Variants in CADM2 observed in about 807,000 individuals in gnomAD.
The protein encoded by CADM2 is immunoglobulin superfamily member 4D.
Under a neutral mutation model 49.8 loss-of-function variants are expected in CADM2, and 12 were observed. The observed-to-expected ratio is 0.24, with a 90% CI of 0.15 to 0.39. CADM2 has a LOEUF of 0.39. Ranked by LOEUF, CADM2 falls within the 10% of genes least tolerant of loss-of-function variation. The probability of loss-of-function intolerance (pLI) is 1.00; values close to 1 mark genes in which losing one functional copy is unlikely to be tolerated. For missense variants in CADM2, 378 were observed against 492.3 expected (o/e 0.77, Z 2.20); for synonymous variants, 214 against 175.4 (o/e 1.22, Z -1.74).
At chr3:85,282,062 C>T (rs1351165808) in intron 1 of CADM2, among the ~76,000 whole-genome samples, 1 of 151,880 alleles carries the variant, frequency 6.6e-6, no homozygotes, top group Admixed American at 6.6e-5. Context: ...CAAACCTATG[C>T]TTGAAATATG....
chr3:85,587,681 G>A (rs1006809785), intron 1 of CADM2, among the ~76,000 whole-genome samples: 5 of 151,926 alleles, frequency 3.3e-5, no homozygotes, highest in Non-Finnish European at 4.4e-5. Flanking sequence ...AAATTCTGAA[G>A]TGCCTCTTCC....
At chr3:85,803,184 T>C (rs910062858) in intron 3 of CADM2, among the ~76,000 whole-genome samples, 5 of 152,130 alleles carry the variant, frequency 3.3e-5, no homozygotes, top group Non-Finnish European at 7.4e-5. Context: ...AAATGAAATC[T>C]TTAGTTTGTT....
chr3:85,891,415 C>G (rs1038722009), intron 5 of CADM2, among the ~76,000 whole-genome samples: 2 of 152,178 alleles, frequency 1.3e-5, no homozygotes, highest in Admixed American at 6.5e-5. Context: ...CCTTAATTAT[C>G]CACACCCTTG....
At chr3:85,450,807 T>A (rs2037716545) in intron 1 of CADM2, among the ~76,000 whole-genome samples, 1 of 152,018 alleles carries the variant, frequency 6.6e-6, no homozygotes, top group Admixed American at 6.6e-5. Flanking sequence ...TATTGAAATT[T>A]GTCTAACCAG....
chr3:86,013,432 T>C lies in CADM2; in HGVS notation c.970+51785T>C, dbSNP rs145689377. On this transcript the variant is annotated intron_variant, in intron 8 of 9. Coordinates refer to ENST00000383699, the MANE Select transcript of CADM2 (RefSeq NM_001167675.2). ...GAAATCCCAGAAGGTCTCTTTACCC[T>C]AGATAACTTTCAAGCACTGCTGGAG... 7.0e-4 allele frequency: 1,093 copies of C among 1,571,200 alleles called. 10 individuals are homozygous for C. The African/African-American group carries it at 0.013, about 19-fold the overall frequency.
At chr3:85,747,831 A>G (rs923111768) in intron 2 of CADM2, among the ~76,000 whole-genome samples, 1 of 152,098 alleles carries the variant, frequency 6.6e-6, no homozygotes, top group Non-Finnish European at 1.5e-5. Flanking sequence ...TTTACTTTTT[A>G]ATATTACTCA....
chr3:85,879,253 T>G (rs1405298662), intron 3 of CADM2, among the ~76,000 whole-genome samples: 1 of 152,130 alleles, frequency 6.6e-6, no homozygotes, highest in South Asian at 2.1e-4. Flanking sequence ...ATAGACATTT[T>G]TTTTAAAGTG....
chr3:85,426,691 A>G (rs967691229), intron 1 of CADM2, among the ~76,000 whole-genome samples: 4 of 152,096 alleles, frequency 2.6e-5, no homozygotes. Context: ...GACTATAGTC[A>G]CCCAGTTGTG....
intron 1 of CADM2, among the ~76,000 whole-genome samples, chr3:85,280,312 G>T (rs2043469644): frequency 6.6e-6 from 1 of 151,162 alleles, no homozygotes; most frequent in Non-Finnish European, 1.5e-5. Flanking sequence ...CATATACGGT[G>T]TACTTGGTTG....
intron 1 of CADM2, among the ~76,000 whole-genome samples, chr3:85,411,649 G>A (rs1334842856): frequency 3.3e-5 from 5 of 152,152 alleles, no homozygotes; most frequent in Non-Finnish European, 5.9e-5. Flanking sequence ...CTGAAGGGTA[G>A]AGGAGGCTCT....
intron 1 of CADM2, among the ~76,000 whole-genome samples, chr3:85,248,197 A>C (rs556323415): frequency 3.9e-5 from 6 of 152,298 alleles, no homozygotes; most frequent in African/African-American, 1.4e-4. Context: ...ATGGCATTGC[A>C]TGCAGCACGA....
chr3:86,056,457 G>A (rs912309947), intron 8 of CADM2, among the ~76,000 whole-genome samples: 4 of 152,116 alleles, frequency 2.6e-5, no homozygotes, highest in Non-Finnish European at 4.4e-5. Context: ...CTTTTTCAAG[G>A]ACATATTTTA....
intron 1 of CADM2, among the ~76,000 whole-genome samples, chr3:85,656,810 A>C (rs1423400135): frequency 6.6e-6 from 1 of 152,180 alleles, no homozygotes; most frequent in Non-Finnish European, 1.5e-5. Flanking sequence ...AATTCTCATC[A>C]GCTCATGAGT....
At chr3:85,954,615 C>T (rs190464657) in intron 7 of CADM2, among the ~76,000 whole-genome samples, 1 of 151,070 alleles carries the variant, frequency 6.6e-6, no homozygotes, top group Non-Finnish European at 1.5e-5. Flanking sequence ...GTTTGGGCTT[C>T]GTTTAGAGAT....
chr3:85,846,934 G>A (rs1359377089), intron 3 of CADM2, among the ~76,000 whole-genome samples: 2 of 152,130 alleles, frequency 1.3e-5, no homozygotes, highest in Admixed American at 6.6e-5. Context: ...ATGATGACAA[G>A]CATAGAGCCC....
At chr3:85,042,249 C>T (rs1010657077) in intron 1 of CADM2, among the ~76,000 whole-genome samples, 1 of 152,188 alleles carries the variant, frequency 6.6e-6, no homozygotes, top group African/African-American at 2.4e-5. Flanking sequence ...TTGAGAACAA[C>T]AGCTTCAACC....
Position 85,427,160 on chromosome 3 carries a change from CTATATATATATATA to C in CADM2, c.62-299334_62-299321del, listed in dbSNP as rs35485915. Among the ~76,000 whole-genome samples, 355 of 113,698 alleles carry C rather than the reference CTATATATATATATA, an allele frequency of 3.1e-3. 3 individuals carry two copies. The highest frequency in any genetic ancestry group is 7.0e-3 in the African/African-American group (143 of 20,468). 74.6% of individuals were successfully genotyped at this position (113,698 alleles called of 152,430 possible). On this transcript the variant is annotated intron_variant, in intron 1 of 9. Coordinates refer to ENST00000383699, the MANE Select transcript of CADM2 (RefSeq NM_001167675.2). The stretch of plus-strand genomic sequence containing the variant: ...AACATTACTCACTGATGTATTGGAA[CTATATATATATATA>C]TATATATATATATATATATATATAT...
chr3:85,976,476 T>C (rs990460992), intron 8 of CADM2, among the ~76,000 whole-genome samples: 33 of 151,602 alleles, frequency 2.2e-4, no homozygotes, highest in African/African-American at 7.0e-4. Context: ...GCTGAATATT[T>C]AGGTTATTTT....
intron 3 of CADM2, among the ~76,000 whole-genome samples, chr3:85,844,918 G>T (rs1156679009): frequency 6.6e-6 from 1 of 151,810 alleles, no homozygotes; most frequent in African/African-American, 2.4e-5. Flanking sequence ...TGGGAGGCTG[G>T]GGTGGGAGGA....
Sources: gnomAD v4.1 joint callset for allele counts (sites outside exome capture counted in the v4.1 genomes callset) on GRCh38, gnomAD v4.1.1 for gene constraint, MANE v1.5 for transcripts, NCBI Gene and HGNC (gene_info 2026-07-23, HGNC 2026-07-21) for gene names.